Variants in PPFIA2 observed in about 807,000 individuals in gnomAD.
PPFIA2 encodes the protein liprin-alpha-2.
Under a neutral mutation model 175.5 loss-of-function variants are expected in PPFIA2, and 46 were observed. The observed-to-expected ratio is 0.26, with a 90% confidence interval of 0.21 to 0.34. PPFIA2 has a LOEUF of 0.34. Among genes scored for constraint, PPFIA2 ranks in the 10% least tolerant of loss-of-function variants. The pLI is 1.00. For synonymous variants in PPFIA2, 568 were observed against 511.4 expected (o/e 1.11, Z -1.49); for missense variants, 1,179 against 1,506.1 (o/e 0.78, Z 3.60).
At chr12:81,393,251 A>G (rs1024546223) in intron 8 of PPFIA2, among the ~76,000 whole-genome samples, 1 of 152,126 alleles carries the variant, frequency 6.6e-6, no homozygotes, top group African/African-American at 2.4e-5. Flanking sequence ...CTTACTCTGT[A>G]TAGTTTGAAG....
At chr12:81,411,221 C>T (rs183407285) in intron 7 of PPFIA2, among the ~76,000 whole-genome samples, 1 of 152,136 alleles carries the variant, frequency 6.6e-6, no homozygotes, top group East Asian at 1.9e-4. Context: ...GTTCCTCGCA[C>T]TGTAAGTTGT....
chr12:81,531,884 G>A (rs2064623351), intron 4 of PPFIA2, among the ~76,000 whole-genome samples: 1 of 151,738 alleles, frequency 6.6e-6, no homozygotes, highest in African/African-American at 2.4e-5. Context: ...ATCTGAAAAT[G>A]AGAAATTCAA....
At chr12:81,713,354 G>T (rs921952665) in intron 3 of PPFIA2, among the ~76,000 whole-genome samples, 2 of 151,072 alleles carry the variant, frequency 1.3e-5, no homozygotes, top group Non-Finnish European at 2.9e-5. Context: ...GGGACTCAAA[G>T]TCAGGAAGAC....
intron 7 of PPFIA2, among the ~76,000 whole-genome samples, chr12:81,439,165 C>G (rs530018366): frequency 4.9e-4 from 73 of 149,940 alleles, no homozygotes; most frequent in African/African-American, 1.7e-3. Context: ...CTCTCTCTCT[C>G]CCTCTCTCTC....
chr12:81,669,010 T>C (rs148807709), intron 4 of PPFIA2, among the ~76,000 whole-genome samples: 18 of 152,002 alleles, frequency 1.2e-4, no homozygotes, highest in Non-Finnish European at 2.2e-4. Flanking sequence ...TGGTCCAGCA[T>C]TAAACCAGAC....
At chr12:81,753,340 A>C (rs774651554) in intron 3 of PPFIA2, among the ~76,000 whole-genome samples, 6 of 152,148 alleles carry the variant, frequency 3.9e-5, no homozygotes, top group Non-Finnish European at 7.4e-5. Context: ...GTAAAATACA[A>C]AGATTGACAG....
intron 8 of PPFIA2, among the ~76,000 whole-genome samples, chr12:81,391,339 C>T (rs745980218): frequency 6.6e-6 from 1 of 151,724 alleles, no homozygotes; most frequent in Non-Finnish European, 1.5e-5. Context: ...AATTGTAAGT[C>T]GTCCTGTATG....
intron 7 of PPFIA2, 33 bp downstream of exon 7, chr12:81,439,939 C>A: frequency 6.5e-7 from 1 of 1,548,336 alleles, no homozygotes; most frequent in Non-Finnish European, 8.8e-7. Context: ...AGCGATATTG[C>A]ACCTCAAAAG....
rs571191699 is a variant in PPFIA2, at chr12:81,478,256, T to C, written c.304-20390A>G. 5.3e-5 allele frequency among the ~76,000 whole-genome samples: 8 copies of C among 152,272 alleles called. No individual in the cohort carries two copies. In the South Asian group the frequency reaches 1.5e-3, roughly 28 times the overall value. On this transcript the variant is annotated intron_variant, in intron 4 of 32. Transcript: ENST00000549396. ...TATTTCTGTGGGATCAGTACTGATA[T>C]CTCCTTTATCATTTTTTTTATTGTG...
chr12:81,299,096 C>T (rs145158798), intron 23 of PPFIA2, among the ~76,000 whole-genome samples: 1 of 152,108 alleles, frequency 6.6e-6, no homozygotes, highest in Non-Finnish European at 1.5e-5. Flanking sequence ...TTCCTTTTAT[C>T]CCACTGCATG....
chr12:81,602,325 C>T (rs915459046), intron 4 of PPFIA2, among the ~76,000 whole-genome samples: 1 of 151,684 alleles, frequency 6.6e-6, no homozygotes, highest in Non-Finnish European at 1.5e-5. Flanking sequence ...CTTTTTTAAA[C>T]TAGCTTATGT....
chr12:81,754,078 G>C lies in PPFIA2; in HGVS notation c.144C>G (p.Thr48=). The part of the protein sequence containing the change: ...MLDERDRLLD[T]LRETQESLSL... ...AGAGGCTTTCCTGGGTCTCCCGAAG[G>C]GTGTCTAGAAGACGATCCCTTTCAT... Residue 48 remains threonine (T), a synonymous_variant, in exon 3 of 33, where the codon ACC becomes ACG. Transcript: ENST00000549396. The C allele has an allele frequency of 1.2e-6, 2 of 1,613,804 alleles. No homozygotes were observed. Among genetic ancestry groups the C allele is most frequent in the South Asian group, 2.2e-5 (2 of 91,046 alleles).
At chr12:81,404,196 T>A (rs1342351315) in intron 8 of PPFIA2, among the ~76,000 whole-genome samples, 1 of 152,126 alleles carries the variant, frequency 6.6e-6, no homozygotes, top group Non-Finnish European at 1.5e-5. Flanking sequence ...TGAAATAACC[T>A]GTTAGGGGAT....
intron 4 of PPFIA2, among the ~76,000 whole-genome samples, chr12:81,532,907 T>C (rs936275383): frequency 7.2e-5 from 11 of 151,808 alleles, no homozygotes; most frequent in African/African-American, 2.7e-4. Flanking sequence ...TTTTCACTGA[T>C]AGAATAAAAT....
At chr12:81,471,107 C>CTTTATTTATTTA (rs71098146) in intron 4 of PPFIA2, 10 of 140,492 alleles carry the variant, frequency 7.1e-5, no homozygotes, top group South Asian at 2.3e-4. Context: ...TTTGTCTTTC[C>CTTTATTTATTTA]TTTATTTATT....
intron 22 of PPFIA2, among the ~76,000 whole-genome samples, chr12:81,315,792 G>A (rs2052207232): frequency 6.6e-6 from 1 of 151,558 alleles, no homozygotes; most frequent in Admixed American, 6.6e-5. Context: ...ACAGATGATG[G>A]GGCCTTTAAA....
At chr12:81,489,550 T>G (rs1457079970) in intron 4 of PPFIA2, among the ~76,000 whole-genome samples, 5 of 151,828 alleles carry the variant, frequency 3.3e-5, no homozygotes, top group African/African-American at 9.7e-5. Context: ...TTCCCTACTT[T>G]TCTCTTAGTT....
At chr12:81,645,211 G>A (rs1303474993) in intron 4 of PPFIA2, among the ~76,000 whole-genome samples, 3 of 151,140 alleles carry the variant, frequency 2.0e-5, no homozygotes, top group Admixed American at 1.3e-4. Context: ...AGGAAGGAAG[G>A]AGAAGAAAGA....
chr12:81,459,388 A>T (rs2054133687), intron 4 of PPFIA2, among the ~76,000 whole-genome samples: 1 of 152,170 alleles, frequency 6.6e-6, no homozygotes, highest in African/African-American at 2.4e-5. Context: ...ACATGTAGGC[A>T]TTCAGAAAAA....
Sources: allele counts gnomAD v4.1 joint callset (sites outside exome capture counted in the v4.1 genomes callset), GRCh38; gene constraint gnomAD v4.1.1; transcripts MANE v1.5; gene names NCBI Gene and HGNC (gene_info 2026-07-23, HGNC 2026-07-21).